GMDS: variants seen among roughly 807,000 people sequenced by gnomAD.
GMDS encodes the protein GDP-mannose 4,6 dehydratase.
GMDS carries 20 observed loss-of-function variants against 49.9 expected under a neutral mutation model. The observed-to-expected ratio is 0.40, with a 90% CI of 0.28 to 0.58. The LOEUF is 0.58. GMDS is among the 20% of genes least tolerant of loss of function. The probability of loss-of-function intolerance (pLI) is 0.42; values close to 1 mark genes in which losing one functional copy is unlikely to be tolerated. For missense variants in GMDS, 362 were observed against 481.4 expected, an observed-to-expected ratio of 0.75 and a Z score of 2.32; for synonymous variants, 177 against 178.6, an observed-to-expected ratio of 0.99 and a Z score of 0.07.
intron 7 of GMDS, among the ~76,000 whole-genome samples, chr6:1,755,658 G>A (rs1279972520): frequency 6.6e-6 from 1 of 151,984 alleles, no homozygotes; most frequent in Non-Finnish European, 1.5e-5. Flanking sequence ...AACAGCAATG[G>A]GGAAAGGATT....
intron 8 of GMDS, among the ~76,000 whole-genome samples, chr6:1,726,740 G>A (rs1766605824): frequency 6.6e-6 from 1 of 152,182 alleles, no homozygotes; most frequent in Admixed American, 6.5e-5. Flanking sequence ...AGAAAATCAT[G>A]ACGAATTCAG....
chr6:1,743,462 G>C (rs1767358518), intron 7 of GMDS, among the ~76,000 whole-genome samples: 1 of 147,470 alleles, frequency 6.8e-6, no homozygotes, highest in Non-Finnish European at 1.5e-5. Flanking sequence ...AGAATGGCGT[G>C]AACCCGGGAG....
intron 7 of GMDS, among the ~76,000 whole-genome samples, chr6:1,905,279 T>C (rs1332846770): frequency 6.6e-6 from 1 of 152,256 alleles, no homozygotes; most frequent in Non-Finnish European, 1.5e-5. Context: ...CAAAGGTGCC[T>C]GTGCATCTGC....
At chr6:1,869,982 C>A (rs1454552754) in intron 7 of GMDS, among the ~76,000 whole-genome samples, 1 of 152,210 alleles carries the variant, frequency 6.6e-6, no homozygotes, top group Non-Finnish European at 1.5e-5. Context: ...ACGGCTCAGA[C>A]CACGACTGTC....
At chr6:1,943,850 G>A (rs1321555502) in intron 6 of GMDS, among the ~76,000 whole-genome samples, 1 of 152,178 alleles carries the variant, frequency 6.6e-6, no homozygotes, top group Admixed American at 6.5e-5. Context: ...GCAAATAGAG[G>A]AGGGATGTGA....
intron 4 of GMDS, chr6:2,043,339 A>AT (rs1447254796): frequency 6.6e-6 from 1 of 152,240 alleles, no homozygotes; most frequent in Non-Finnish European, 1.5e-5. Context: ...AATATACCTC[A>AT]TAAGATCCTA....
intron 1 of GMDS, among the ~76,000 whole-genome samples, chr6:2,224,953 A>C (rs1365863381): frequency 6.6e-6 from 1 of 152,208 alleles, no homozygotes; most frequent in East Asian, 1.9e-4. Flanking sequence ...TGAAAGTCAC[A>C]GAACTGAGAA....
At chr6:1,937,510 A>G (rs1439931312) in intron 6 of GMDS, among the ~76,000 whole-genome samples, 1 of 152,190 alleles carries the variant, frequency 6.6e-6, no homozygotes, top group Non-Finnish European at 1.5e-5. Context: ...TGGAGGCTTG[A>G]AGGTTAATAT....
chr6:2,195,853 T>C (rs981342141), intron 1 of GMDS, among the ~76,000 whole-genome samples: 2 of 150,748 alleles, frequency 1.3e-5, no homozygotes, highest in Non-Finnish European at 3.0e-5. Flanking sequence ...AAAATAAATA[T>C]ATAAATAATA....
chr6:1,707,411 G>A (rs1338151832), intron 9 of GMDS, among the ~76,000 whole-genome samples: 2 of 152,190 alleles, frequency 1.3e-5, no homozygotes, highest in Non-Finnish European at 2.9e-5. Context: ...TTCAGTGACA[G>A]ACTGAACAGC....
In GMDS at chr6:2,173,668, TA is replaced by T. The variant is rs368753668; in HGVS notation, c.103-48938del. On this transcript the variant is annotated intron_variant, in intron 1 of 10. Transcript: ENST00000380815. The stretch of plus-strand genomic sequence containing the variant: ...GAAAAAATAATTCCCTGATTGCTTA[TA>T]AAGGCTGTGGTTGCTTGTAGTTCTG... Among the ~76,000 whole-genome samples, 37 of 152,356 alleles carry T rather than the reference TA, an allele frequency of 2.4e-4. No homozygotes were observed. In the East Asian group the frequency reaches 4.8e-3, roughly 20 times the overall value.
At chr6:2,033,929 C>T (rs1241414392) in intron 4 of GMDS, among the ~76,000 whole-genome samples, 1 of 152,040 alleles carries the variant, frequency 6.6e-6, no homozygotes, top group Non-Finnish European at 1.5e-5. Flanking sequence ...GTGTACCAGT[C>T]CGGAGGCATA....
chr6:2,197,192 G>A (rs1779309754), intron 1 of GMDS, among the ~76,000 whole-genome samples: 1 of 152,196 alleles, frequency 6.6e-6, no homozygotes, highest in Admixed American at 6.5e-5. Flanking sequence ...TTAGTAGGAG[G>A]TGATGCCAGA....
chr6:2,008,111 G>A (rs1189822180), intron 4 of GMDS, among the ~76,000 whole-genome samples: 1 of 151,956 alleles, frequency 6.6e-6, no homozygotes. Context: ...GCAATTTATA[G>A]TCTATTTACA....
chr6:1,654,711 T>C (rs935724118), intron 9 of GMDS, among the ~76,000 whole-genome samples: 2 of 152,196 alleles, frequency 1.3e-5, no homozygotes, highest in Non-Finnish European at 2.9e-5. Context: ...GCCACGGAAC[T>C]GCACACTTGA....
intron 9 of GMDS, among the ~76,000 whole-genome samples, chr6:1,631,575 T>C (rs1763003390): frequency 6.6e-6 from 1 of 152,104 alleles, no homozygotes; most frequent in African/African-American, 2.4e-5. Flanking sequence ...TCCTTTGTGG[T>C]TTTTCTCAAT....
chr6:1,929,616 G>A (rs1762193102), intron 7 of GMDS, among the ~76,000 whole-genome samples: 1 of 152,048 alleles, frequency 6.6e-6, no homozygotes, highest in African/African-American at 2.4e-5. Context: ...AATATAACAT[G>A]TTAAGAAGTG....
chr6:2,224,507 A>G lies in GMDS; in HGVS notation c.102+20814T>C, dbSNP rs79669105. On this transcript the variant is annotated intron_variant, in intron 1 of 10. Transcript: ENST00000380815. ...AATAAAGATCTCAATGATGCTTCTC[A>G]TAGGAGAAATACATATATTCTAAAG... Among the ~76,000 whole-genome samples, 820 of 152,384 alleles carry G rather than the reference A, an allele frequency of 5.4e-3. 6 individuals carry two copies. The highest frequency in any genetic ancestry group is 0.019 in the African/African-American group (783 of 41,588).
intron 4 of GMDS, among the ~76,000 whole-genome samples, chr6:2,104,494 G>A (rs934139176): frequency 4.6e-5 from 7 of 152,104 alleles, no homozygotes; most frequent in African/African-American, 1.7e-4. Context: ...GTGTATAAAA[G>A]AGCACAACAT....
Sources: allele counts gnomAD v4.1 joint callset (sites outside exome capture counted in the v4.1 genomes callset), GRCh38; gene constraint gnomAD v4.1.1; transcripts MANE v1.5; gene names NCBI Gene and HGNC (gene_info 2026-07-23, HGNC 2026-07-21).